The following SOS2 variants were observed in gnomAD, a reference collection of about 807,000 sequenced individuals.
The protein encoded by SOS2 is son of sevenless homolog 2.
SOS2 carries 65 observed loss-of-function variants against 148.2 expected under a neutral mutation model. The observed-to-expected ratio is 0.44, with a 90% confidence interval of 0.36 to 0.54. The LOEUF (loss-of-function observed/expected upper bound fraction) is 0.54, where lower values mean the gene tolerates loss of function less well. Ranked by LOEUF, SOS2 falls within the 20% of genes least tolerant of loss-of-function variation. The probability of loss-of-function intolerance (pLI) is 0.00; values close to 1 mark genes in which losing one functional copy is unlikely to be tolerated. For missense variants in SOS2, 1,341 were observed against 1,590.2 expected, an observed-to-expected ratio of 0.84 and a Z score of 2.67; for synonymous variants, 539 against 537.1, an observed-to-expected ratio of 1.00 and a Z score of -0.05.
chr14:50,230,630 A>G (rs1390046979), intron 1 of SOS2, among the ~76,000 whole-genome samples: 1 of 152,218 alleles, frequency 6.6e-6, no homozygotes, highest in Non-Finnish European at 1.5e-5. Context: ...TCTTGTAAAC[A>G]GGTAAGACAC....
At chr14:50,125,235 C>CTGAA (rs1349779353) in intron 21 of SOS2, among the ~76,000 whole-genome samples, 2 of 152,152 alleles carry the variant, frequency 1.3e-5, no homozygotes, top group African/African-American at 4.8e-5. Context: ...GAGGCAAAGA[C>CTGAA]TGAAGTGAGG....
intron 7 of SOS2, among the ~76,000 whole-genome samples, chr14:50,178,670 G>GTATATATATATATA (rs1566839555): frequency 5.9e-5 from 4 of 68,010 alleles, no homozygotes; most frequent in South Asian, 4.7e-4. Flanking sequence ...GTGTGTGTGT[G>GTATATATATATATA]CATATATATA....
chr14:50,178,742 A>ATTT (rs1555371331), intron 7 of SOS2, among the ~76,000 whole-genome samples: 1 of 138,854 alleles, frequency 7.2e-6, no homozygotes, highest in African/African-American at 2.8e-5. Context: ...ATATATATAT[A>ATTT]TATTTTTTGG....
intron 9 of SOS2, among the ~76,000 whole-genome samples, chr14:50,160,379 C>CTTTTTTTTTTTTTTTTTTTTTT: frequency 1.3e-5 from 1 of 78,928 alleles, no homozygotes; most frequent in Non-Finnish European, 2.4e-5. Flanking sequence ...CAATGCTAAT[C>CTTTTTTTTTTTTTTTTTTTTTT]TTTTTTTTTT....
intron 1 of SOS2, among the ~76,000 whole-genome samples, chr14:50,217,800 C>G (rs371577063): frequency 2.0e-5 from 3 of 151,502 alleles, no homozygotes; most frequent in Non-Finnish European, 4.4e-5. Context: ...ACTAAAAATA[C>G]AAAAAATTAG....
At chr14:50,189,626 T>C (rs1886056500) in intron 4 of SOS2, among the ~76,000 whole-genome samples, 1 of 152,136 alleles carries the variant, frequency 6.6e-6, no homozygotes, top group Non-Finnish European at 1.5e-5. Flanking sequence ...GCTACTATGG[T>C]AGAGGCACAC....
rs201629454 is a variant in SOS2, at chr14:50,153,060, T to C, written c.2161+10A>G. On this transcript the variant is annotated intron_variant, in intron 13 of 22. Coordinates refer to ENST00000216373, the MANE Select transcript of SOS2 (RefSeq NM_006939.4). ...AATATAAGATTCAATCAAACCTTTA[T>C]ATAATATACCTCTTACACTTGAAAT... The C allele has an allele frequency of 9.0e-6, 12 of 1,340,730 alleles. No individual in the cohort carries two copies. The highest frequency in any genetic ancestry group is 5.7e-5 in the Admixed American group (3 of 52,386). The allele number at this position is 1,340,730 out of a possible 1,614,324, so 83.1% of individuals were successfully genotyped here.
chr14:50,152,976 A>G (rs1884709055), intron 13 of SOS2, 94 bp downstream of exon 13: 5 of 595,926 alleles, frequency 8.4e-6, no homozygotes, highest in South Asian at 7.3e-5. Context: ...AAAAAAAAAA[A>G]GAGAGAGAAA....
chr14:50,129,837 A>G lies in SOS2; in HGVS notation c.3379+124T>C, dbSNP rs574107865. The G allele has an allele frequency of 8.3e-6, 5 of 605,424 alleles. No individual in the cohort carries two copies. The African/African-American group carries it at 9.4e-5, about 11-fold the overall frequency. The allele number at this position is 605,424 out of a possible 1,614,324, so 37.5% of individuals were successfully genotyped here. On this transcript the variant is annotated intron_variant, in intron 21 of 22. Transcript: ENST00000216373. Reference sequence around the variant, plus strand: ...AGTAGTACACAGTTGTAAGCAAATAATTAAATTTATTTATAACTTTTCTTG... The same window carrying G: ...AGTAGTACACAGTTGTAAGCAAATAGTTAAATTTATTTATAACTTTTCTTG...
At chr14:50,189,347 A>AAAAAAAAAAAAAAAAAAAAAAAAAAAAAC (rs1566472544) in intron 4 of SOS2, among the ~76,000 whole-genome samples, 1 of 148,150 alleles carries the variant, frequency 6.7e-6, no homozygotes, top group Non-Finnish European at 1.5e-5. Context: ...AAAAAAAAAA[A>AAAAAAAAAAAAAAAAAAAAAAAAAAAAAC]AGCAAGCCTG....
chr14:50,231,268 G>A lies in SOS2; in HGVS notation c.16C>T (p.Gln6Ter). ...TCCTCGCTGAAGAACTCGTAAGGCT[G>A]CGGCGCCTGCTGCATGGCCCCGGCG... MQQAP[Q>*]PYEFFSEENS... Residue 6 changes from glutamine (Q) to a stop codon, truncating the protein, a stop_gained, in exon 1 of 23, where the codon CAG becomes TAG. Coordinates refer to ENST00000216373, the MANE Select transcript of SOS2 (RefSeq NM_006939.4). LOFTEE classifies it high-confidence loss of function. 6.8e-7 allele frequency: 1 copy of A among 1,475,108 alleles called. No homozygotes were observed. Among genetic ancestry groups the A allele is most frequent in the Non-Finnish European group, 9.1e-7 (1 of 1,098,756 alleles). The allele number at this position is 1,475,108 out of a possible 1,614,324, so 91.4% of individuals were successfully genotyped here. A position where few individuals can be genotyped will look rare whatever the true frequency, so the allele number is the denominator to read the frequency against.
chr14:50,210,137 T>C (rs970445965), intron 1 of SOS2, among the ~76,000 whole-genome samples: 1 of 152,202 alleles, frequency 6.6e-6, no homozygotes, highest in African/African-American at 2.4e-5. Flanking sequence ...CTCCAATGGT[T>C]GTCAGGATTT....
rs1232625690 is a variant in SOS2, at chr14:50,159,917, C to T, written c.1366G>A (p.Glu456Lys). The T allele has an allele frequency of 6.2e-7, 1 of 1,614,018 alleles. No individual in the cohort carries two copies. Among genetic ancestry groups the T allele is most frequent in the African/African-American group, 1.3e-5 (1 of 74,922 alleles). ...GPLTRIGAKH[E>K]RHIFLFDGLM... The stretch of plus-strand genomic sequence containing the variant: ...CCATCAAACAGAAAAATATGCCGTT[C>T]ATGTTTGGCACCGATTCTTGTCAAT... Residue 456 changes from glutamate to lysine, a missense_variant, in exon 10 of 23, where the codon GAA becomes AAA. Glu to Lys is a moderately conservative substitution (Grantham distance 56). Around this residue, in one of 4 missense-constraint regions of SOS2, gnomAD observed 574 missense variants for 711.1 expected, o/e 0.81. Transcript: ENST00000216373.
rs1232822758 is a variant in SOS2, at chr14:50,118,655, A to T, written c.3688T>A (p.Cys1230Ser). 1 of 1,613,556 alleles carries T rather than the reference A, an allele frequency of 6.2e-7. No individual in the cohort carries two copies. Among genetic ancestry groups the T allele is most frequent in the East Asian group, 2.2e-5 (1 of 44,858 alleles). The change falls in exon 23 of 23, where the codon TGT (cysteine) becomes AGT (serine). Residue 1230 changes from cysteine (C) to serine (S), a missense_variant. Coordinates refer to ENST00000216373, the MANE Select transcript of SOS2 (RefSeq NM_006939.4). ...PLRPPEHFIN[C>S]PFNLQPPPLG... ...GGAGGTGGCTGAAGATTAAATGGAC[A>T]GTTTATAAAGTGTTCTGGAGGCCGA...
chr14:50,153,142 G>A lies in SOS2; in HGVS notation c.2089C>T (p.His697Tyr). Reference sequence around the variant, plus strand: ...TCTCTTTCAAAGTCATAAAAATGATGTTCAACCCAATGCCGAAATACATTT... The same window carrying A: ...TCTCTTTCAAAGTCATAAAAATGATATTCAACCCAATGCCGAAATACATTT... ...ILNVFRHWVE[H>Y]HFYDFERDLE... The change falls in exon 13 of 23, where the codon CAT (histidine) becomes TAT (tyrosine). Residue 697 changes from histidine to tyrosine, a missense_variant. By Grantham distance (83) the His-to-Tyr change is moderately conservative. Coordinates refer to ENST00000216373, the MANE Select transcript of SOS2 (RefSeq NM_006939.4). The A allele has an allele frequency of 6.2e-7, 1 of 1,605,202 alleles. No homozygotes were observed. The highest frequency in any genetic ancestry group is 8.5e-7 in the Non-Finnish European group (1 of 1,173,326).
chr14:50,199,606 TATC>T, intron 4 of SOS2, 82 bp downstream of exon 4: 1 of 736,114 alleles, frequency 1.4e-6, no homozygotes, highest in Non-Finnish European at 2.1e-6. Context: ...AAAGATTACT[TATC>T]TAATAATGTA....
intron 1 of SOS2, among the ~76,000 whole-genome samples, chr14:50,224,957 G>A (rs949865115): frequency 2.0e-5 from 3 of 150,654 alleles, no homozygotes; most frequent in Admixed American, 6.6e-5. Context: ...GAAGAAAACT[G>A]GAGTACAGAA....
chr14:50,180,755 A>G (rs1885707427), intron 6 of SOS2, 73 bp from the exon 7 acceptor site: 3 of 823,564 alleles, frequency 3.6e-6, no homozygotes, highest in South Asian at 3.4e-5. Flanking sequence ...ACAGATTATT[A>G]TCACTTGATC....
chr14:50,145,012 A>G (rs1884422856), intron 16 of SOS2, among the ~76,000 whole-genome samples, 158 bp downstream of exon 16: 1 of 151,976 alleles, frequency 6.6e-6, no homozygotes, highest in Non-Finnish European at 1.5e-5. Context: ...TATATTAACT[A>G]ATATATCAAC....
Sources: gnomAD v4.1 joint callset for allele counts (sites outside exome capture counted in the v4.1 genomes callset) on GRCh38, gnomAD v4.1.1 for gene constraint, gnomAD v4.1.1 regional missense constraint, MANE v1.5 for transcripts, NCBI Gene and HGNC (gene_info 2026-07-23, HGNC 2026-07-21) for gene names.